The following SCN4A variants were observed in gnomAD, a reference collection of about 807,000 sequenced individuals.
The protein encoded by SCN4A is sodium channel protein type 4 subunit alpha.
SCN4A carries 83 observed loss-of-function variants against 162.0 expected under a neutral mutation model. That is an observed-to-expected ratio of 0.51 (90% confidence interval 0.43 to 0.61). The LOEUF (loss-of-function observed/expected upper bound fraction) is 0.61, where lower values mean the gene tolerates loss of function less well. Ranked by LOEUF, SCN4A falls within the 20% of genes least tolerant of loss-of-function variation. The probability of loss-of-function intolerance (pLI) is 0.00; values close to 1 mark genes in which losing one functional copy is unlikely to be tolerated. For missense variants in SCN4A, 2,196 were observed against 2,462.5 expected, an observed-to-expected ratio of 0.89 and a Z score of 2.29; for synonymous variants, 944 against 985.1, an observed-to-expected ratio of 0.96 and a Z score of 0.78.
chr17:63,948,478 G>T, intron 16 of SCN4A, 133 bp downstream of exon 16: 1 of 735,070 alleles, frequency 1.4e-6, no homozygotes, highest in Non-Finnish European at 2.2e-6. Context: ...GGCACAGCGA[G>T]TTCCTTTAGG....
In SCN4A at chr17:63,940,462, A is replaced by C. The variant is rs1005662010; in HGVS notation, c.*309T>G. 9 of 363,834 alleles carry C rather than the reference A, an allele frequency of 2.5e-5. No individual in the cohort carries two copies. The highest frequency in any genetic ancestry group is 4.5e-5 in the Non-Finnish European group (9 of 201,956). The allele number at this position is 363,834 out of a possible 1,614,324, so 22.5% of individuals were successfully genotyped here. On this transcript the variant is annotated 3_prime_UTR_variant, in exon 24 of 24. Coordinates refer to ENST00000435607, the MANE Select transcript of SCN4A (RefSeq NM_000334.4). ...GAGGGGCAGAGATTCGAATGTTCTG[A>C]CCTCCCCCAGGCCAAAAGGAGGGGC...
chr17:63,941,986 G>A lies in SCN4A; in HGVS notation c.4296C>T (p.Ala1432=), dbSNP rs1189085197. Reference sequence around the variant, plus strand: ...AGTACTTCTGGATCAGGTCAGAGAGGGCAAGGCCTGCGGGGAGAAGCTAGT... The same window carrying A: ...AGTACTTCTGGATCAGGTCAGAGAGAGCAAGGCCTGCGGGGAGAAGCTAGT... ...VVVILSIVGL[A]LSDLIQKYFV... is the part of the protein sequence containing the mutation. Residue 1432 remains alanine, a synonymous_variant, in exon 24 of 24, where the codon GCC becomes GCT. Coordinates refer to ENST00000435607, the MANE Select transcript of SCN4A (RefSeq NM_000334.4). The surrounding 1 kb of genome is among the most constrained non-coding windows in gnomAD (Gnocchi z 6.2). The A allele has an allele frequency of 1.3e-6, 2 of 1,569,306 alleles. No homozygotes were observed. Among genetic ancestry groups the A allele is most frequent in the Admixed American group, 3.5e-5 (2 of 57,008 alleles).
chr17:63,968,418 C>T (rs1053381986), intron 5 of SCN4A, 63 bp from the exon 6 acceptor site: 58 of 1,378,084 alleles, frequency 4.2e-5, no homozygotes, highest in East Asian at 1.2e-4. Context: ...AGAGCCCCCG[C>T]GGCCCCCACC....
intron 8 of SCN4A, 85 bp from the exon 9 acceptor site, chr17:63,964,762 C>A (rs1375711410): frequency 9.4e-7 from 1 of 1,069,506 alleles, no homozygotes; most frequent in Non-Finnish European, 1.4e-6. Context: ...ATCCATTGCC[C>A]GCATGGGTAA....
At position 63,939,569 on chromosome 17, in the gene SCN4A, C is replaced by T. The variant is rs1490306996; in HGVS notation, c.*1202G>A. On this transcript the variant is annotated 3_prime_UTR_variant, in exon 24 of 24. Transcript: ENST00000435607. The stretch of plus-strand genomic sequence containing the variant: ...TAAATCCAGCGACGCCTGAGCAGGT[C>T]TCTCACCCCTCCTCCTGAGCCAGCA... The T allele has an allele frequency of 6.6e-6, 1 of 152,148 alleles. No homozygotes were observed. Among genetic ancestry groups the T allele is most frequent in the Non-Finnish European group, 1.5e-5 (1 of 68,102 alleles). 9.4% of individuals were successfully genotyped at this position (152,148 alleles called of 1,614,324 possible).
chr17:63,959,956 C>T (rs1320659039), intron 11 of SCN4A, among the ~76,000 whole-genome samples: 2 of 152,208 alleles, frequency 1.3e-5, no homozygotes, highest in Non-Finnish European at 2.9e-5. Context: ...ATGCCTACAG[C>T]CTCTCCACAG....
Position 63,942,954 on chromosome 17 carries a change from T to C in SCN4A, c.4160A>G (p.Asn1387Ser). The stretch of plus-strand genomic sequence containing the variant: ...GATGATGATGAAGATCATGTTGATG[T>C]TGTACAGGATGTCCACCTTGAGCTG... ...QSQLKVDILY[N>S]INMIFIIIFT... Residue 1387 changes from asparagine to serine, a missense_variant, in exon 23 of 24, where the codon AAC becomes AGC. Physicochemically the swap from Asn to Ser is conservative, Grantham distance 46 (BLOSUM62 1). Coordinates refer to ENST00000435607, the MANE Select transcript of SCN4A (RefSeq NM_000334.4). 6.2e-7 allele frequency: 1 copy of C among 1,613,984 alleles called. No individual in the cohort carries two copies. Among genetic ancestry groups the C allele is most frequent in the Non-Finnish European group, 8.5e-7 (1 of 1,179,854 alleles).
Position 63,951,296 on chromosome 17 carries a change from A to T in SCN4A, c.2853+128T>A, listed in dbSNP as rs1329847350. 3.0e-6 allele frequency: 2 copies of T among 662,634 alleles called. No individual in the cohort carries two copies. Among genetic ancestry groups the T allele is most frequent in the Non-Finnish European group, 5.2e-6 (2 of 388,100 alleles). 41.0% of individuals were successfully genotyped at this position (662,634 alleles called of 1,614,324 possible). A position where few individuals can be genotyped will look rare whatever the true frequency, so the allele number is the denominator to read the frequency against. ...ATACAGCGTCTCACATAATGCTTGC[A>T]ACAATGCCATAGGGCACCACCCCCA... On this transcript the variant is annotated intron_variant, in intron 14 of 23. Transcript: ENST00000435607. The surrounding 1 kb of genome is among the most constrained non-coding windows in gnomAD (Gnocchi z 4.5).
At position 63,963,807 on chromosome 17, in the gene SCN4A, G is replaced by A. The variant is rs764137920; in HGVS notation, c.1471C>T (p.Leu491=). Residue 491 remains leucine, a synonymous_variant, in exon 10 of 24, where the codon CTG becomes TTG. Transcript: ENST00000435607. ...ELEKAKAAQA[L]EGGEADGDPA... is the part of the protein sequence containing the mutation. ...TCCCCATCTGCCTCCCCACCTTCCAGAGCTTGGGCGGCCTTGGCCTGTAGA... is the reference window on the plus strand; with the variant it reads ...TCCCCATCTGCCTCCCCACCTTCCAAAGCTTGGGCGGCCTTGGCCTGTAGA... 1 of 1,603,652 alleles carries A rather than the reference G, an allele frequency of 6.2e-7. No individual in the cohort carries two copies. Among genetic ancestry groups the A allele is most frequent in the South Asian group, 1.1e-5 (1 of 88,946 alleles).
chr17:63,968,168 A>C lies in SCN4A; in HGVS notation c.891T>G (p.Asn297Lys), dbSNP rs758713749. The change falls in exon 6 of 24, where the codon AAT becomes AAG. Residue 297 changes from asparagine to lysine, a missense_variant. By Grantham distance (94) the Asn-to-Lys change is moderately conservative. Transcript: ENST00000435607. ...FNDTNTTWYS[N>K]DTWYGNDTWY... Reference sequence around the variant, plus strand: ...ATGTGTCATTGCCGTACCACGTGTCATTGCTGTACCACGTGGTGTTGGTGT... The same window carrying C: ...ATGTGTCATTGCCGTACCACGTGTCCTTGCTGTACCACGTGGTGTTGGTGT... 6.2e-7 allele frequency: 1 copy of C among 1,613,858 alleles called. No homozygotes were observed. The highest frequency in any genetic ancestry group is 8.5e-7 in the Non-Finnish European group (1 of 1,179,878).
chr17:63,956,008 G>A (rs546935431), intron 13 of SCN4A, among the ~76,000 whole-genome samples: 5 of 152,320 alleles, frequency 3.3e-5, no homozygotes, highest in Non-Finnish European at 7.3e-5. Context: ...AGCACTGCAG[G>A]GCTCTGGCAG....
In SCN4A at chr17:63,949,460, C is replaced by T. The variant is rs2144784400; in HGVS notation, c.2922G>A (p.Glu974=). ...CCTCTGCCTGCTCCTCAGGGTCCTC[C>T]TCGGGGGGCTTGTAGTCAGCTGTGC... ...VCSTADYKPP[E]EDPEEQAEEN... Residue 974 remains glutamate (E), a synonymous_variant, in exon 15 of 24, where the codon GAG becomes GAA. Coordinates refer to ENST00000435607, the MANE Select transcript of SCN4A (RefSeq NM_000334.4). The T allele has an allele frequency of 1.2e-6, 2 of 1,611,164 alleles. No individual in the cohort carries two copies. The highest frequency in any genetic ancestry group is 1.3e-5 in the African/African-American group (1 of 75,008).
Position 63,972,603 on chromosome 17 carries a change from A to T in SCN4A, c.239T>A (p.Leu80Gln). Residue 80 changes from leucine to glutamine, a missense_variant, in exon 1 of 24, where the codon CTG (leucine) becomes CAG (glutamine). Leu to Gln is a moderately radical substitution (Grantham distance 113, BLOSUM62 -2). Transcript: ENST00000435607. The surrounding 1 kb of genome is among the most constrained non-coding windows in gnomAD (Gnocchi z 4.3). The stretch of plus-strand genomic sequence containing the variant: ...GCTGTAGTAGGGATCCAGGTCCTCC[A>T]GGGGGATGCCGATGACCTCCGGCGG... ...DPPPEVIGIP[L>Q]EDLDPYYSNK... 6.2e-7 allele frequency: 1 copy of T among 1,601,542 alleles called. No individual in the cohort carries two copies. The highest frequency in any genetic ancestry group is 8.5e-7 in the Non-Finnish European group (1 of 1,173,980).
rs771981248 is a variant in SCN4A at position 63,951,414 on chromosome 17, C to A, written c.2853+10G>T. 6.4e-7 allele frequency: 1 copy of A among 1,569,390 alleles called. No homozygotes were observed. Among genetic ancestry groups the A allele is most frequent in the Non-Finnish European group, 8.7e-7 (1 of 1,150,484 alleles). ...AAGCCGGGTCTGTCTGAGCCCCAGC[C>A]CCGGCTCACCTTGCTATCCTCAGGC... On this transcript the variant is annotated intron_variant, in intron 14 of 23. Coordinates refer to ENST00000435607, the MANE Select transcript of SCN4A (RefSeq NM_000334.4). The surrounding 1 kb of genome is among the most constrained non-coding windows in gnomAD (Gnocchi z 4.5).
rs1451993661 is a variant in SCN4A at position 63,941,389 on chromosome 17, G to A, written c.4893C>T (p.Ala1631=). Residue 1631 remains alanine, a synonymous_variant, in exon 24 of 24, where the codon GCC becomes GCT. Transcript: ENST00000435607. The surrounding 1 kb of genome is among the most constrained non-coding windows in gnomAD (Gnocchi z 6.2). ...GGCGGCTGTAGGCGATGAACTGGGT[G>A]GCGTCGGGGTCGAACTTCTCCCATG... ...YETWEKFDPD[A]TQFIAYSRLS... The A allele has an allele frequency of 1.2e-6, 2 of 1,613,928 alleles. No individual in the cohort carries two copies. Among genetic ancestry groups the A allele is most frequent in the East Asian group, 2.2e-5 (1 of 44,874 alleles).
At chr17:63,952,726 C>T (rs552442173) in intron 13 of SCN4A, among the ~76,000 whole-genome samples, 10 of 148,368 alleles carry the variant, frequency 6.7e-5, no homozygotes, top group Admixed American at 4.6e-4. Context: ...CACATCCCTA[C>T]GGAAAGACTT....
intron 5 of SCN4A, among the ~76,000 whole-genome samples, chr17:63,970,161 T>A (rs764361123): frequency 6.6e-6 from 1 of 152,214 alleles, no homozygotes; most frequent in Admixed American, 6.5e-5. Context: ...GGTGTGTTCC[T>A]AATTGAGCTC....
In SCN4A at chr17:63,951,578, G is replaced by C. The variant is rs2144786776; in HGVS notation, c.2699C>G (p.Ala900Gly). The C allele has an allele frequency of 1.2e-6, 2 of 1,613,988 alleles. No individual in the cohort carries two copies. Among genetic ancestry groups the C allele is most frequent in the South Asian group, 2.2e-5 (2 of 91,084 alleles). The change falls in exon 14 of 24, where the codon GCT (alanine) becomes GGT (glycine). Residue 900 changes from alanine (A) to glycine (G), a missense_variant. Transcript: ENST00000435607. This position sits in a 1 kb window ranked among gnomAD's most constrained non-coding sequence, Gnocchi z 4.5. ...DNHILNHMGL[A>G]DGPPSSLELD... Reference sequence around the variant, plus strand: ...CTCGAGGCTGGATGGGGGGCCGTCAGCCAGGCCCATGTGGTTCAGGATGTG... The same window carrying C: ...CTCGAGGCTGGATGGGGGGCCGTCACCCAGGCCCATGTGGTTCAGGATGTG...
chr17:63,940,645 G>T lies in SCN4A; in HGVS notation c.*126C>A. 8.1e-7 allele frequency: 1 copy of T among 1,227,586 alleles called. No individual in the cohort carries two copies. The highest frequency in any genetic ancestry group is 1.1e-6 in the Non-Finnish European group (1 of 903,490). 76.0% of individuals were successfully genotyped at this position (1,227,586 alleles called of 1,614,324 possible). On this transcript the variant is annotated 3_prime_UTR_variant, in exon 24 of 24. Transcript: ENST00000435607. ...GTCAGCCCCAGTGTGGCCAAATCCT[G>T]TCCCCCATCAGGGAGCCAGGCACAG...
Sources: gnomAD v4.1 joint callset for allele counts (sites outside exome capture counted in the v4.1 genomes callset) on GRCh38, gnomAD v4.1.1 for gene constraint, Gnocchi (gnomAD v3.1) non-coding constraint, MANE v1.5 for transcripts, NCBI Gene and HGNC (gene_info 2026-07-23, HGNC 2026-07-21) for gene names.